The following BCAT1 variants were observed in gnomAD, a reference collection of about 807,000 sequenced individuals.
The protein encoded by BCAT1 is branched chain amino acid transaminase 1.
A neutral mutation model predicts 52.4 loss-of-function variants in BCAT1; 48 were observed. The ratio of observed to expected loss-of-function variants is 0.92; its 90% CI spans 0.73 to 1.16. BCAT1 has a LOEUF of 1.16. Among genes scored for constraint, BCAT1 ranks in the 50% most tolerant of loss-of-function variants. BCAT1 has a pLI of 0.00. For missense variants in BCAT1, 451 were observed against 457.1 expected (o/e 0.99, Z 0.12); for synonymous variants, 167 against 161.3 (o/e 1.04, Z -0.27).
intron 5 of BCAT1, among the ~76,000 whole-genome samples, chr12:24,874,195 TC>T (rs1338712334): frequency 6.6e-6 from 1 of 152,010 alleles, no homozygotes; most frequent in Admixed American, 6.6e-5. Context: ...GCACCTGTAG[TC>T]CCCGCTAATC....
At chr12:24,824,815 C>A (rs1489385373) in intron 10 of BCAT1, among the ~76,000 whole-genome samples, 1 of 152,114 alleles carries the variant, frequency 6.6e-6, no homozygotes, top group Non-Finnish European at 1.5e-5. Flanking sequence ...ATAAAATACA[C>A]ATATATAATT....
chr12:24,827,861 T>C (rs2139358220), intron 10 of BCAT1, among the ~76,000 whole-genome samples: 1 of 152,338 alleles, frequency 6.6e-6, no homozygotes, highest in East Asian at 1.9e-4. Context: ...GAAAACTTGC[T>C]GAGTAAGTCT....
rs575155237 is a variant in BCAT1, at chr12:24,928,896, G to A, written c.6+20031C>T. On this transcript the variant is annotated intron_variant, in intron 1 of 10. Transcript: ENST00000261192. ...GATTACAGGCACGTGCACCATGCCC[G>A]GCTAATTTTTTTTATTTTATTTTAT... Among the ~76,000 whole-genome samples the A allele has an allele frequency of 8.6e-5, 12 of 138,806 alleles. No homozygotes were observed. In the East Asian group the frequency reaches 1.2e-3, roughly 14 times the overall value. 91.1% of individuals were successfully genotyped at this position (138,806 alleles called of 152,430 possible).
At chr12:24,823,895 T>C (rs1940258393) in intron 10 of BCAT1, among the ~76,000 whole-genome samples, 1 of 152,154 alleles carries the variant, frequency 6.6e-6, no homozygotes. Flanking sequence ...CTACTACATA[T>C]CCTTTTGGCT....
intron 8 of BCAT1, among the ~76,000 whole-genome samples, chr12:24,835,925 C>T (rs890839876): frequency 2.0e-5 from 3 of 152,042 alleles, no homozygotes; most frequent in African/African-American, 7.2e-5. Context: ...CTGTGTCACA[C>T]GAATTTGAAA....
intron 5 of BCAT1, among the ~76,000 whole-genome samples, chr12:24,859,968 C>T (rs1941808125): frequency 6.6e-6 from 1 of 152,160 alleles, no homozygotes; most frequent in Non-Finnish European, 1.5e-5. Flanking sequence ...TTATGGGAAA[C>T]TCCTAAATTC....
intron 10 of BCAT1, among the ~76,000 whole-genome samples, chr12:24,824,011 T>A (rs1018438306): frequency 1.3e-5 from 2 of 152,220 alleles, no homozygotes; most frequent in Non-Finnish European, 2.9e-5. Flanking sequence ...CACTTTCAGG[T>A]TTGAATGCAC....
intron 5 of BCAT1, among the ~76,000 whole-genome samples, chr12:24,850,969 C>T (rs1941491631): frequency 1.3e-5 from 2 of 152,118 alleles, no homozygotes; most frequent in Non-Finnish European, 2.9e-5. Flanking sequence ...ACCATCTTTC[C>T]CACAAACACT....
intron 1 of BCAT1, among the ~76,000 whole-genome samples, chr12:24,909,768 C>T (rs1465314747): frequency 3.9e-5 from 6 of 152,210 alleles, no homozygotes; most frequent in Non-Finnish European, 1.5e-5. Context: ...TAAGCATATA[C>T]ACTAACTGGC....
In BCAT1 at chr12:24,817,967, G is replaced by C. The variant is rs1170337375; in HGVS notation, c.*41C>G. The C allele has an allele frequency of 1.9e-6, 3 of 1,595,454 alleles. No individual in the cohort carries two copies. In the East Asian group the frequency reaches 6.7e-5, roughly 36 times the overall value. On this transcript the variant is annotated 3_prime_UTR_variant, in exon 11 of 11. Transcript: ENST00000261192. ...CAACAGTCTGTCCCAGTAGCATACAGTTGGTATCCTCTATTTTCCATTGTA... is the reference window on the plus strand; with the variant it reads ...CAACAGTCTGTCCCAGTAGCATACACTTGGTATCCTCTATTTTCCATTGTA...
intron 1 of BCAT1, among the ~76,000 whole-genome samples, chr12:24,920,345 T>C (rs1209253100): frequency 6.6e-6 from 1 of 152,210 alleles, no homozygotes; most frequent in Admixed American, 6.5e-5. Context: ...CTCTGTGGCA[T>C]GGCTTAATTA....
intron 5 of BCAT1, among the ~76,000 whole-genome samples, chr12:24,853,402 G>A (rs7962203): frequency 0.75 from 113,528 of 152,052 alleles, 42,796 homozygotes; most frequent in East Asian, 0.83. Context: ...TAAGCATTAG[G>A]TACATATAGA....
chr12:24,925,491 T>A (rs1050902181), intron 1 of BCAT1, among the ~76,000 whole-genome samples: 2 of 152,198 alleles, frequency 1.3e-5, no homozygotes, highest in African/African-American at 4.8e-5. Context: ...GATATAGATA[T>A]GCCCTATTGG....
At chr12:24,932,173 T>G (rs1286367293) in intron 1 of BCAT1, among the ~76,000 whole-genome samples, 1 of 152,226 alleles carries the variant, frequency 6.6e-6, no homozygotes, top group South Asian at 2.1e-4. Context: ...CATAGTACAC[T>G]ACTTGACTCA....
At chr12:24,819,262 A>G (rs1940011603) in intron 10 of BCAT1, among the ~76,000 whole-genome samples, 1 of 152,032 alleles carries the variant, frequency 6.6e-6, no homozygotes, top group South Asian at 2.1e-4. Context: ...ATCTGTCACT[A>G]TGGGTTTGCC....
intron 3 of BCAT1, among the ~76,000 whole-genome samples, chr12:24,888,877 T>A (rs955452188): frequency 5.9e-5 from 9 of 152,180 alleles, no homozygotes; most frequent in Admixed American, 1.3e-4. Flanking sequence ...GCTGCGTCAA[T>A]CATGTTCAAG....
At chr12:24,934,771 T>C (rs1296196824) in intron 1 of BCAT1, among the ~76,000 whole-genome samples, 1 of 152,184 alleles carries the variant, frequency 6.6e-6, no homozygotes, top group Non-Finnish European at 1.5e-5. Context: ...CAGGCTGGTC[T>C]CGAACTCCTG....
intron 3 of BCAT1, among the ~76,000 whole-genome samples, chr12:24,887,848 T>C (rs1004667976): frequency 1.3e-5 from 2 of 152,202 alleles, no homozygotes; most frequent in African/African-American, 4.8e-5. Context: ...CCTTCAAATA[T>C]TATCACTATT....
At chr12:24,874,028 A>G (rs1942256001) in intron 5 of BCAT1, among the ~76,000 whole-genome samples, 1 of 152,194 alleles carries the variant, frequency 6.6e-6, no homozygotes. Flanking sequence ...ATTAAAAATG[A>G]AGGAGGCCGG....
Sources: allele counts gnomAD v4.1 joint callset (sites outside exome capture counted in the v4.1 genomes callset), GRCh38; gene constraint gnomAD v4.1.1; transcripts MANE v1.5; gene names NCBI Gene and HGNC (gene_info 2026-07-23, HGNC 2026-07-21).